The following ARHGEF11 variants were observed in gnomAD, a reference collection of about 807,000 sequenced individuals.
The protein encoded by ARHGEF11 is Rho guanine exchange factor (GEF) 11.
ARHGEF11 carries 55 observed loss-of-function variants against 193.7 expected under a neutral mutation model. The ratio of observed to expected loss-of-function variants is 0.28; its 90% confidence interval spans 0.23 to 0.36. The LOEUF is 0.36. Among genes scored for constraint, ARHGEF11 ranks in the 10% least tolerant of loss-of-function variants. The probability of loss-of-function intolerance (pLI) is 1.00; values close to 1 mark genes in which losing one functional copy is unlikely to be tolerated. For missense variants in ARHGEF11, 1,723 were observed against 2,005.6 expected, an observed-to-expected ratio of 0.86 and a Z score of 2.69; for synonymous variants, 693 against 768.0, an observed-to-expected ratio of 0.90 and a Z score of 1.62.
intron 17 of ARHGEF11, 85 bp downstream of exon 17, chr1:156,958,657 G>C (rs1660314610): frequency 5.1e-6 from 8 of 1,570,812 alleles, no homozygotes; most frequent in Admixed American, 1.7e-5. Flanking sequence ...AGTGGAAGAG[G>C]GGGAGAGGTT....
chr1:157,015,765 G>A (rs1669140721), intron 1 of ARHGEF11, among the ~76,000 whole-genome samples: 2 of 152,218 alleles, frequency 1.3e-5, no homozygotes, highest in Admixed American at 1.3e-4. Flanking sequence ...TGGGATGGAA[G>A]GTCAGCCATG....
intron 1 of ARHGEF11, among the ~76,000 whole-genome samples, chr1:157,008,742 G>A (rs917666736): frequency 3.3e-5 from 5 of 152,156 alleles, no homozygotes; most frequent in African/African-American, 1.2e-4. Context: ...AGGGGTGTTG[G>A]CCATTCTGGA....
intron 1 of ARHGEF11, among the ~76,000 whole-genome samples, chr1:157,020,721 C>T (rs1669868654): frequency 6.6e-6 from 1 of 152,110 alleles, no homozygotes; most frequent in African/African-American, 2.4e-5. Context: ...TGTTTTGCAG[C>T]AGATATATTC....
intron 1 of ARHGEF11, among the ~76,000 whole-genome samples, chr1:157,016,965 G>A (rs950327826): frequency 5.3e-5 from 8 of 151,928 alleles, no homozygotes; most frequent in Non-Finnish European, 7.4e-5. Flanking sequence ...CACACCCCAC[G>A]ACATCCAGAC....
At chr1:156,962,195 T>C (rs1268076240) in intron 13 of ARHGEF11, among the ~76,000 whole-genome samples, 2 of 152,202 alleles carry the variant, frequency 1.3e-5, no homozygotes, top group African/African-American at 4.8e-5. Context: ...TGGTGTGCCC[T>C]GTCTTTATTC....
In ARHGEF11 at chr1:156,942,680, CAATT is replaced by C. The variant is rs755858800; in HGVS notation, c.3326+6_3326+9del. On this transcript the variant is annotated splice_donor_region_variant and intron_variant, in intron 33 of 40. Transcript: ENST00000368194. ...CCACAGTTACGGGTAACCCCTCAAT[CAATT>C]CTCACGTGTTCTTGTCTGATGACGT... 1.2e-6 allele frequency: 2 copies of C among 1,612,924 alleles called. No homozygotes were observed. The highest frequency in any genetic ancestry group is 1.7e-6 in the Non-Finnish European group (2 of 1,178,976).
At position 157,028,519 on chromosome 1, in the gene ARHGEF11, G is replaced by A. The variant is rs140727118; in HGVS notation, c.32+15780C>T. On this transcript the variant is annotated intron_variant, in intron 1 of 40. Transcript: ENST00000368194. The stretch of plus-strand genomic sequence containing the variant: ...CTGGACTGCAACATGATGGCGAGTA[G>A]AGCCCTAAAAGAGTGACCAAATTAC... Among the ~76,000 whole-genome samples the A allele has an allele frequency of 7.2e-5, 11 of 152,232 alleles. No individual in the cohort carries two copies. The East Asian group carries it at 2.1e-3, about 29-fold the overall frequency.
chr1:157,032,380 G>A (rs1671411955), intron 1 of ARHGEF11, among the ~76,000 whole-genome samples: 1 of 152,210 alleles, frequency 6.6e-6, no homozygotes, highest in Non-Finnish European at 1.5e-5. Context: ...ATGTCATAAG[G>A]CAGTGGCTCT....
chr1:156,968,962 A>C (rs1662125145), intron 10 of ARHGEF11, among the ~76,000 whole-genome samples: 1 of 152,212 alleles, frequency 6.6e-6, no homozygotes, highest in African/African-American at 2.4e-5. Context: ...TGGTCAAGTC[A>C]CTGTTTTAGA....
At chr1:156,980,834 G>GGA (rs1664041453) in intron 3 of ARHGEF11, among the ~76,000 whole-genome samples, 1 of 34,308 alleles carries the variant, frequency 2.9e-5, no homozygotes, top group South Asian at 1.6e-3. Context: ...GTTATATTCC[G>GGA]GGGGGGGGGG....
In ARHGEF11 at chr1:156,971,451, T is replaced by C. The variant is rs114862961; in HGVS notation, c.702+246A>G. Among the ~76,000 whole-genome samples, 663 of 152,362 alleles carry C rather than the reference T, an allele frequency of 4.4e-3. 5 individuals are homozygous for C. Among genetic ancestry groups the C allele is most frequent in the Non-Finnish European group, 7.4e-3 (503 of 68,024 alleles). ...AATCTGTTTATTTCATATTTCTTTC[T>C]TTCCATTGCCTATGTTGTTGGAGGG... On this transcript the variant is annotated intron_variant, in intron 8 of 40. Coordinates refer to ENST00000368194, the MANE Select transcript of ARHGEF11 (RefSeq NM_198236.3).
chr1:156,948,088 C>G lies in ARHGEF11; in HGVS notation c.2153+93G>C. ...CAGTGGGCCCAGAAGAGGAGACAGC[C>G]ACCCAACCAGCCCCTTGCAGGTGAG... On this transcript the variant is annotated intron_variant, in intron 24 of 40. Transcript: ENST00000368194. This position sits in a 1 kb window ranked among gnomAD's most constrained non-coding sequence, Gnocchi z 4.2. The G allele has an allele frequency of 1.3e-6, 2 of 1,538,044 alleles. No individual in the cohort carries two copies. Among genetic ancestry groups the G allele is most frequent in the Admixed American group, 1.9e-5 (1 of 53,250 alleles).
chr1:156,948,738 T>C lies in ARHGEF11; in HGVS notation c.1926-240A>G. On this transcript the variant is annotated intron_variant, in intron 22 of 40. Coordinates refer to ENST00000368194, the MANE Select transcript of ARHGEF11 (RefSeq NM_198236.3). This position sits in a 1 kb window ranked among gnomAD's most constrained non-coding sequence, Gnocchi z 4.2. ...CCTGATGGATGGACAGTCATCTTCC[T>C]CTGGAGCTATTAGGAAGGGATCCTA... 2.7e-6 allele frequency: 4 copies of C among 1,472,076 alleles called. No individual in the cohort carries two copies. Among genetic ancestry groups the C allele is most frequent in the Non-Finnish European group, 3.6e-6 (4 of 1,110,622 alleles). The allele number at this position is 1,472,076 out of a possible 1,614,324, so 91.2% of individuals were successfully genotyped here. A position where few individuals can be genotyped will look rare whatever the true frequency, so the allele number is the denominator to read the frequency against.
chr1:157,011,235 G>A (rs543177810), intron 1 of ARHGEF11, among the ~76,000 whole-genome samples: 1 of 152,248 alleles, frequency 6.6e-6, no homozygotes, highest in East Asian at 1.9e-4. Context: ...TCAGTGGAGA[G>A]GTAATAGACT....
chr1:156,996,299 A>C (rs1282716148), intron 1 of ARHGEF11, among the ~76,000 whole-genome samples: 2 of 152,190 alleles, frequency 1.3e-5, no homozygotes, highest in African/African-American at 4.8e-5. Context: ...TGGTAGTTAC[A>C]AACTAGATTT....
intron 1 of ARHGEF11, among the ~76,000 whole-genome samples, chr1:157,008,016 A>G (rs940540696): frequency 1.3e-5 from 2 of 151,970 alleles, no homozygotes; most frequent in Admixed American, 6.6e-5. Context: ...CTTATTAAAT[A>G]AAAGAATAAG....
In ARHGEF11 at chr1:156,948,237, G is replaced by T; in HGVS notation, c.2106-9C>A. On this transcript the variant is annotated splice_polypyrimidine_tract_variant and intron_variant, in intron 23 of 40. Transcript: ENST00000368194. This position sits in a 1 kb window ranked among gnomAD's most constrained non-coding sequence, Gnocchi z 4.2. ...TTGGGTTCTCAAGAGACCTGTGGAG[G>T]GAATGTCAACTCTCAGCAACCCTCT... The T allele has an allele frequency of 1.9e-6, 3 of 1,593,228 alleles. No individual in the cohort carries two copies. The highest frequency in any genetic ancestry group is 2.6e-6 in the Non-Finnish European group (3 of 1,166,300).
intron 1 of ARHGEF11, among the ~76,000 whole-genome samples, chr1:157,014,665 C>T (rs896583403): frequency 6.6e-6 from 1 of 152,180 alleles, no homozygotes; most frequent in Admixed American, 6.5e-5. Flanking sequence ...CTCCCACTTA[C>T]CCCTCAATCC....
intron 1 of ARHGEF11, among the ~76,000 whole-genome samples, chr1:156,994,682 A>T (rs1666237563): frequency 6.6e-6 from 1 of 152,188 alleles, no homozygotes; most frequent in Non-Finnish European, 1.5e-5. Context: ...TTCCACATCG[A>T]ATATTCAGCA....
Sources: gnomAD v4.1 joint callset for allele counts (sites outside exome capture counted in the v4.1 genomes callset) on GRCh38, gnomAD v4.1.1 for gene constraint, Gnocchi (gnomAD v3.1) non-coding constraint, MANE v1.5 for transcripts, NCBI Gene and HGNC (gene_info 2026-07-23, HGNC 2026-07-21) for gene names.